The following NPEPL1 variants were observed in gnomAD, a reference collection of about 807,000 sequenced individuals.
NPEPL1 encodes the protein aminopeptidase like 1.
A neutral mutation model predicts 52.4 loss-of-function variants in NPEPL1; 45 were observed. The ratio of observed to expected loss-of-function variants is 0.86; its 90% confidence interval spans 0.68 to 1.10. NPEPL1 has a LOEUF of 1.10. NPEPL1 is among the 50% of genes least tolerant of loss of function. The pLI is 0.00. For synonymous variants in NPEPL1, 360 were observed against 314.7 expected, an observed-to-expected ratio of 1.14 and a Z score of -1.52; for missense variants, 696 against 710.9, an observed-to-expected ratio of 0.98 and a Z score of 0.24.
At chr20:58,714,721 A>G in intron 11 of NPEPL1, 51 bp downstream of exon 11, 1 of 1,397,280 alleles carries the variant, frequency 7.2e-7, no homozygotes, top group South Asian at 1.3e-5. Flanking sequence ...CCGCTTGTCC[A>G]AACAGCGCCC....
At chr20:58,698,600 T>C (rs2084540907) in intron 3 of NPEPL1, 84 bp from the exon 4 acceptor site, 1 of 1,100,878 alleles carries the variant, frequency 9.1e-7, no homozygotes, top group African/African-American at 1.5e-5. Context: ...TGTTTGCCTC[T>C]GCTGCCTTTT....
At chr20:58,701,531 C>G (rs943347357) in intron 6 of NPEPL1, among the ~76,000 whole-genome samples, 1 of 152,038 alleles carries the variant, frequency 6.6e-6, no homozygotes, top group Non-Finnish European at 1.5e-5. Flanking sequence ...TCACGTGGCT[C>G]CCTGGGTTTC....
chr20:58,689,842 C>T (rs1202392646), upstream of NPEPL1, among the ~76,000 whole-genome samples: 5 of 152,048 alleles, frequency 3.3e-5, 1 homozygote, highest in Admixed American at 2.6e-4. Context: ...CACACACACA[C>T]GCTATTGCGT....
chr20:58,699,396 C>T (rs1714182509), intron 5 of NPEPL1, 118 bp downstream of exon 5: 1 of 781,668 alleles, frequency 1.3e-6, no homozygotes, highest in South Asian at 1.8e-5. Context: ...CTGCTTGTGA[C>T]CTGAAAGGAA....
At chr20:58,701,375 G>GC (rs2084617814) in intron 6 of NPEPL1, among the ~76,000 whole-genome samples, 1 of 146,690 alleles carries the variant, frequency 6.8e-6, no homozygotes, top group South Asian at 2.2e-4. Flanking sequence ...GGTGCCCTGG[G>GC]GGGGGGGGAG....
rs1428865033 is a variant in NPEPL1 at position 58,694,525 on chromosome 20, A to C, written c.440A>C (p.Lys147Thr). The C allele has an allele frequency of 1.5e-5, 25 of 1,613,884 alleles. No individual in the cohort carries two copies. Among genetic ancestry groups the C allele is most frequent in the Non-Finnish European group, 1.6e-5 (19 of 1,179,888 alleles). ...GGTGCCTCTCGGCGCTTGGAGAAGA[A>C]GACGGTCACCGTGGAGTTTTTCCTG... ...RSGASRRLEK[K>T]TVTVEFFLVG... The change falls in exon 3 of 12, where the codon AAG becomes ACG. Residue 147 changes from lysine to threonine, a missense_variant. Transcript: ENST00000356091.
chr20:58,701,352 G>A (rs2084616632), intron 6 of NPEPL1, among the ~76,000 whole-genome samples, 194 bp downstream of exon 6: 1 of 126,316 alleles, frequency 7.9e-6, no homozygotes, highest in Non-Finnish European at 1.7e-5. Context: ...TGAGGTGCCG[G>A]CAGGCTCTCC....
At position 58,713,146 on chromosome 20, in the gene NPEPL1, C is replaced by T; in HGVS notation, c.1002-274C>T. ...CAGCCGGTTCATGCCACCCACTTTA[C>T]AGAAGAAGAAACTGAGGCATGGGAG... On this transcript the variant is annotated intron_variant, in intron 8 of 11. Coordinates refer to ENST00000356091, the MANE Select transcript of NPEPL1 (RefSeq NM_024663.4). This position sits in a 1 kb window ranked among gnomAD's most constrained non-coding sequence, Gnocchi z 4.6. 1 of 441,960 alleles carries T rather than the reference C, an allele frequency of 2.3e-6. No individual in the cohort carries two copies. The highest frequency in any genetic ancestry group is 4.1e-6 in the Non-Finnish European group (1 of 242,382). The allele number at this position is 441,960 out of a possible 1,614,324, so 27.4% of individuals were successfully genotyped here.
At position 58,694,019 on chromosome 20, in the gene NPEPL1, C is replaced by T. The variant is rs1043778620; in HGVS notation, c.336+97C>T. The T allele has an allele frequency of 1.7e-4, 208 of 1,198,206 alleles. 2 individuals carry two copies. In the Middle Eastern group the frequency reaches 1.7e-3, roughly 10 times the overall value. The allele number at this position is 1,198,206 out of a possible 1,614,324, so 74.2% of individuals were successfully genotyped here. A position where few individuals can be genotyped will look rare whatever the true frequency, so the allele number is the denominator to read the frequency against. On this transcript the variant is annotated intron_variant, in intron 2 of 11. Coordinates refer to ENST00000356091, the MANE Select transcript of NPEPL1 (RefSeq NM_024663.4). Reference sequence around the variant, plus strand: ...ACAGCCCTGCTCAGACTGCAGCGCACGCCCAGAGGGCTGTGGACGTTATCA... The same window carrying T: ...ACAGCCCTGCTCAGACTGCAGCGCATGCCCAGAGGGCTGTGGACGTTATCA...
At chr20:58,691,592 T>C (rs2084344541), upstream of NPEPL1, 1 of 631,930 alleles carries the variant, frequency 1.6e-6, no homozygotes, top group Non-Finnish European at 2.8e-6. Context: ...CTCCCGGGGC[T>C]ACAAGTTAGG....
chr20:58,692,869 CGG>C lies in NPEPL1; in HGVS notation c.-30_-29del. 1 of 1,008,168 alleles carries C rather than the reference CGG, an allele frequency of 9.9e-7. No homozygotes were observed. The highest frequency in any genetic ancestry group is 1.2e-6 in the Non-Finnish European group (1 of 844,924). The allele number at this position is 1,008,168 out of a possible 1,614,324, so 62.5% of individuals were successfully genotyped here. On this transcript the variant is annotated 5_prime_UTR_variant, in exon 1 of 12. Coordinates refer to ENST00000356091, the MANE Select transcript of NPEPL1 (RefSeq NM_024663.4). The surrounding 1 kb of genome is among the most constrained non-coding windows in gnomAD (Gnocchi z 5.7). Reference sequence around the variant, plus strand: ...GGCCGAGCGGCGGGCCGGGCCGGGCCGGGCAGGGCCGGGGCGTGGGCCGGCAG... The same window carrying C: ...GGCCGAGCGGCGGGCCGGGCCGGGCCGCAGGGCCGGGGCGTGGGCCGGCAG...
intron 7 of NPEPL1, 146 bp downstream of exon 7, chr20:58,707,346 G>A (rs1038135807): frequency 2.8e-5 from 22 of 786,106 alleles, no homozygotes; most frequent in African/African-American, 7.0e-5. Context: ...CTGCCCCCAG[G>A]CTCTTCTGGG....
intron 1 of NPEPL1, 186 bp from the exon 2 acceptor site, chr20:58,693,551 C>T: frequency 1.8e-6 from 1 of 547,568 alleles, no homozygotes. Flanking sequence ...TGCGAGCCAG[C>T]CTAGAGACAG....
At chr20:58,711,761 A>T (rs6015344) in intron 7 of NPEPL1, 16 of 152,612 alleles carry the variant, frequency 1.0e-4, no homozygotes, top group Admixed American at 3.3e-4. Flanking sequence ...GTGGTGGAAG[A>T]GTCGGCTGTT....
At chr20:58,703,004 C>T (rs548718258) in intron 6 of NPEPL1, among the ~76,000 whole-genome samples, 2 of 152,262 alleles carry the variant, frequency 1.3e-5, no homozygotes, top group Admixed American at 6.5e-5. Context: ...ACGCAGGTTC[C>T]GCGTCTTCGT....
At position 58,693,774 on chromosome 20, in the gene NPEPL1, C is replaced by G; in HGVS notation, c.188C>G (p.Pro63Arg). Reference sequence around the variant, plus strand: ...GCCCTGAGCACGCTCAACCCCAACCCCACGGACAGCTGTCCCCTCTACCTG... The same window carrying G: ...GCCCTGAGCACGCTCAACCCCAACCGCACGGACAGCTGTCCCCTCTACCTG... ...QAALSTLNPN[P>R]TDSCPLYLNY... The change falls in exon 2 of 12, where the codon CCC becomes CGC. Residue 63 changes from proline to arginine, a missense_variant. Physicochemically the swap from Pro to Arg is moderately radical, Grantham distance 103 (BLOSUM62 -2). Coordinates refer to ENST00000356091, the MANE Select transcript of NPEPL1 (RefSeq NM_024663.4). 2 of 1,613,280 alleles carry G rather than the reference C, an allele frequency of 1.2e-6. No homozygotes were observed. Among genetic ancestry groups the G allele is most frequent in the South Asian group, 1.1e-5 (1 of 91,040 alleles).
chr20:58,698,946 G>T (rs547440659), intron 4 of NPEPL1, among the ~76,000 whole-genome samples, 173 bp downstream of exon 4: 1 of 152,226 alleles, frequency 6.6e-6, no homozygotes, highest in Non-Finnish European at 1.5e-5. Flanking sequence ...CTCAGGAAAG[G>T]GTGTGTGGGG....
intron 10 of NPEPL1, 117 bp downstream of exon 10, chr20:58,714,210 G>A: frequency 8.6e-7 from 1 of 1,163,334 alleles, no homozygotes; most frequent in Non-Finnish European, 1.2e-6. Flanking sequence ...AGCAGCCACA[G>A]TGCAGACGAG....
upstream of NPEPL1, chr20:58,692,127 G>GC (rs1456524427): frequency 9.4e-6 from 4 of 425,914 alleles, no homozygotes; most frequent in South Asian, 7.9e-5. This position sits in a 1 kb window ranked among gnomAD's most constrained non-coding sequence, Gnocchi z 5.7. Flanking sequence ...GGGCGGGAAG[G>GC]CCCCCCATGC....
Sources: gnomAD v4.1 joint callset for allele counts (sites outside exome capture counted in the v4.1 genomes callset) on GRCh38, gnomAD v4.1.1 for gene constraint, Gnocchi (gnomAD v3.1) non-coding constraint, MANE v1.5 for transcripts, NCBI Gene and HGNC (gene_info 2026-07-23, HGNC 2026-07-21) for gene names.